Variants in IFTAP observed in about 807,000 individuals in gnomAD.
IFTAP encodes the protein intraflagellar transport-associated protein.
Under a neutral mutation model 19.4 loss-of-function variants are expected in IFTAP, and 19 were observed. The observed-to-expected ratio is 0.98, with a 90% CI of 0.68 to 1.44. The LOEUF (loss-of-function observed/expected upper bound fraction) is 1.44. IFTAP is among the 40% of genes most tolerant of loss of function. IFTAP has a pLI of 0.00. For missense variants in IFTAP, 240 were observed against 253.6 expected (o/e 0.95, Z 0.36); for synonymous variants, 85 against 83.5 (o/e 1.02, Z -0.10).
intron 2 of IFTAP, among the ~76,000 whole-genome samples, chr11:36,623,770 G>A: frequency 6.6e-6 from 1 of 152,116 alleles, no homozygotes; most frequent in Non-Finnish European, 1.5e-5. Flanking sequence ...TGTACTTTCA[G>A]GAAATGCCCC....
chr11:36,621,510 A>G (rs1180164278), intron 2 of IFTAP, among the ~76,000 whole-genome samples: 2 of 151,956 alleles, frequency 1.3e-5, no homozygotes, highest in Admixed American at 6.6e-5. Flanking sequence ...AGGAATCATT[A>G]TATCATTTTC....
At chr11:36,603,566 A>C (rs12279290) in intron 1 of IFTAP, among the ~76,000 whole-genome samples, 5,875 of 152,270 alleles carry the variant, frequency 0.039, 367 homozygotes, top group African/African-American at 0.13. Context: ...CATCATGCAT[A>C]AGTTTAGTAT....
At chr11:36,641,849 G>A (rs1162005677) in intron 4 of IFTAP, among the ~76,000 whole-genome samples, 2 of 152,200 alleles carry the variant, frequency 1.3e-5, no homozygotes, top group South Asian at 4.2e-4. Flanking sequence ...CTGTCTTGTT[G>A]ATCTGTCTAT....
In IFTAP at chr11:36,611,372, T is replaced by A. The variant is rs1168753769; in HGVS notation, c.136+1133T>A. Among the ~76,000 whole-genome samples the A allele has an allele frequency of 2.0e-5, 3 of 152,014 alleles. No homozygotes were observed. The East Asian group carries it at 5.8e-4, about 29-fold the overall frequency. On this transcript the variant is annotated intron_variant, in intron 2 of 5. Transcript: ENST00000334307. ...AGCCCACTCTAAAGCTCAGCTAGGA[T>A]CAAGGGATTCGTATTTTATTAAAAA...
intron 1 of IFTAP, among the ~76,000 whole-genome samples, chr11:36,599,690 A>C (rs544072636): frequency 2.0e-5 from 3 of 152,138 alleles, no homozygotes; most frequent in Non-Finnish European, 4.4e-5. Flanking sequence ...GTTGATTCTC[A>C]TCATTTGAAA....
At chr11:36,619,161 A>G (rs1011466542) in intron 2 of IFTAP, among the ~76,000 whole-genome samples, 23 of 152,000 alleles carry the variant, frequency 1.5e-4, no homozygotes, top group African/African-American at 5.5e-4. Flanking sequence ...TCAAGAGCTT[A>G]GAATCTTGGG....
chr11:36,653,664 C>T (rs754932716), intron 5 of IFTAP, among the ~76,000 whole-genome samples: 10 of 152,086 alleles, frequency 6.6e-5, no homozygotes, highest in Admixed American at 1.3e-4. Context: ...TTTAGAAGAC[C>T]GCAGTGATAT....
intron 2 of IFTAP, among the ~76,000 whole-genome samples, chr11:36,620,075 A>AT (rs1852239208): frequency 6.6e-6 from 1 of 152,042 alleles, no homozygotes; most frequent in Non-Finnish European, 1.5e-5. Flanking sequence ...ATCCCAAGGG[A>AT]GCGAGTAAGG....
At position 36,610,179 on chromosome 11, in the gene IFTAP, A is replaced by T; in HGVS notation, c.76A>T (p.Asn26Tyr). The change falls in exon 2 of 6, where the codon AAT (asparagine) becomes TAT (tyrosine). Residue 26 changes from asparagine to tyrosine, a missense_variant. Coordinates refer to ENST00000334307, the MANE Select transcript of IFTAP (RefSeq NM_138787.4). ...LIKDVLDKFL[N>Y]CHEQTYDEEF... ...CAAAGACGTCTTGGATAAATTCCTT[A>T]ATTGTCATGAGCAAACATATGATGA... The T allele has an allele frequency of 6.2e-7, 1 of 1,610,604 alleles. No individual in the cohort carries two copies. The highest frequency in any genetic ancestry group is 8.5e-7 in the Non-Finnish European group (1 of 1,176,992).
At chr11:36,606,903 C>T (rs1851713748) in intron 1 of IFTAP, among the ~76,000 whole-genome samples, 2 of 152,204 alleles carry the variant, frequency 1.3e-5, no homozygotes, top group African/African-American at 2.4e-5. Context: ...TCATTATTTA[C>T]TGTCTAGCTA....
At chr11:36,607,750 C>T (rs768381229) in intron 1 of IFTAP, among the ~76,000 whole-genome samples, 8 of 152,016 alleles carry the variant, frequency 5.3e-5, no homozygotes, top group East Asian at 3.9e-4. Context: ...CTGGGCTCAT[C>T]GCAACCTCTG....
intron 2 of IFTAP, among the ~76,000 whole-genome samples, chr11:36,628,761 T>C (rs969796924): frequency 2.6e-5 from 4 of 151,396 alleles, no homozygotes; most frequent in African/African-American, 9.8e-5. Flanking sequence ...TTCAACTTAC[T>C]GCTATTGTGT....
Position 36,623,038 on chromosome 11 carries a change from T to G in IFTAP, c.137-10246T>G, listed in dbSNP as rs1221991901. ...ACATGCTTTGACCAAAGATGAAGTA[T>G]CAGATTCTTCTTTTTAATTATCATT... is the stretch of plus-strand genomic sequence containing the variant. On this transcript the variant is annotated intron_variant, in intron 2 of 5. Transcript: ENST00000334307. Among the ~76,000 whole-genome samples, 3 of 152,166 alleles carry G rather than the reference T, an allele frequency of 2.0e-5. No individual in the cohort carries two copies. The South Asian group carries it at 6.2e-4, about 31-fold the overall frequency.
chr11:36,658,999 TCCTTTGTTA>T lies in IFTAP; in HGVS notation c.499-14_499-6del, dbSNP rs1237896997. The T allele has an allele frequency of 3.3e-6, 5 of 1,519,794 alleles. No individual in the cohort carries two copies. In the African/African-American group the frequency reaches 5.6e-5, roughly 17 times the overall value. 94.1% of individuals were successfully genotyped at this position (1,519,794 alleles called of 1,614,324 possible). A position where few individuals can be genotyped will look rare whatever the true frequency, so the allele number is the denominator to read the frequency against. ...TACAATGATTGTGTATGTTTTTTCCTCCTTTGTTACCTTTTATAGATACTTGGAGATGAA... is the reference window on the plus strand; with the variant it reads ...TACAATGATTGTGTATGTTTTTTCCTCCTTTTATAGATACTTGGAGATGAA... On this transcript the variant is annotated splice_polypyrimidine_tract_variant and intron_variant, in intron 5 of 5. Transcript: ENST00000334307.
Position 36,629,449 on chromosome 11 carries a change from G to A in IFTAP, c.137-3835G>A, listed in dbSNP as rs12802803. ...CAGAGTGTGGAAGAACAGACACTCC[G>A]AGGTTGCTGGCAGATTTGGTTGTGA... On this transcript the variant is annotated intron_variant, in intron 2 of 5. Coordinates refer to ENST00000334307, the MANE Select transcript of IFTAP (RefSeq NM_138787.4). 1.3e-3 allele frequency among the ~76,000 whole-genome samples: 194 copies of A among 151,424 alleles called. 1 individual carries two copies. Among genetic ancestry groups the A allele is most frequent in the Non-Finnish European group, 2.2e-3 (150 of 68,024 alleles).
intron 2 of IFTAP, among the ~76,000 whole-genome samples, chr11:36,619,434 A>G (rs1554951737): frequency 6.6e-6 from 1 of 152,018 alleles, no homozygotes; most frequent in Non-Finnish European, 1.5e-5. Context: ...TGAATTTAAA[A>G]TCTGCTGTAG....
At chr11:36,653,029 GA>G (rs1422842833) in intron 5 of IFTAP, among the ~76,000 whole-genome samples, 3 of 152,078 alleles carry the variant, frequency 2.0e-5, no homozygotes, top group Non-Finnish European at 4.4e-5. Context: ...AGAGGTCATA[GA>G]AGAAACTTGT....
intron 1 of IFTAP, among the ~76,000 whole-genome samples, chr11:36,605,391 T>G (rs1851659247): frequency 6.6e-6 from 1 of 151,560 alleles, no homozygotes; most frequent in Non-Finnish European, 1.5e-5. Flanking sequence ...GGTCTACTAC[T>G]CTTGTGTCTG....
intron 5 of IFTAP, among the ~76,000 whole-genome samples, chr11:36,654,210 A>G (rs1028047255): frequency 6.6e-6 from 1 of 152,098 alleles, no homozygotes; most frequent in African/African-American, 2.4e-5. Context: ...AATCCAGCGG[A>G]CACTTTCCAG....
Sources: allele counts gnomAD v4.1 joint callset (sites outside exome capture counted in the v4.1 genomes callset), GRCh38; gene constraint gnomAD v4.1.1; transcripts MANE v1.5; gene names NCBI Gene and HGNC (gene_info 2026-07-23, HGNC 2026-07-21).